The following CTNNA3 variants were observed in gnomAD, a reference collection of about 807,000 sequenced individuals.
CTNNA3 encodes the protein catenin alpha-3.
Under a neutral mutation model 95.7 loss-of-function variants are expected in CTNNA3, and 76 were observed. The observed-to-expected ratio is 0.79, with a 90% CI of 0.66 to 0.96. The LOEUF (loss-of-function observed/expected upper bound fraction) is 0.96, where lower values mean the gene tolerates loss of function less well. CTNNA3 is among the 40% of genes least tolerant of loss of function. The pLI is 0.00. For synonymous variants in CTNNA3, 431 were observed against 374.4 expected (o/e 1.15, Z -1.74); for missense variants, 1,191 against 1,089.8 (o/e 1.09, Z -1.31).
At chr10:66,502,983 A>G (rs557598757) in intron 11 of CTNNA3, among the ~76,000 whole-genome samples, 34 of 152,244 alleles carry the variant, frequency 2.2e-4, no homozygotes, top group Admixed American at 5.9e-4. Flanking sequence ...CATGCACCCT[A>G]GCTCTTAAGA....
chr10:67,064,340 C>T (rs1250002668), intron 7 of CTNNA3, among the ~76,000 whole-genome samples: 5 of 152,078 alleles, frequency 3.3e-5, no homozygotes, highest in African/African-American at 1.2e-4. Flanking sequence ...TGATCCATCC[C>T]TTGAAGCTCC....
At chr10:66,382,543 C>T (rs957730709) in intron 11 of CTNNA3, among the ~76,000 whole-genome samples, 5 of 152,126 alleles carry the variant, frequency 3.3e-5, no homozygotes, top group Non-Finnish European at 5.9e-5. Context: ...CAGGCATAAA[C>T]GACTCTGTCA....
At chr10:66,684,822 T>A (rs1396876742) in intron 9 of CTNNA3, among the ~76,000 whole-genome samples, 1 of 152,106 alleles carries the variant, frequency 6.6e-6, no homozygotes, top group Non-Finnish European at 1.5e-5. Context: ...AATAGAATGT[T>A]GGCACCGGAG....
At chr10:67,307,314 C>T (rs897740252) in intron 5 of CTNNA3, among the ~76,000 whole-genome samples, 1 of 152,194 alleles carries the variant, frequency 6.6e-6, no homozygotes, top group Non-Finnish European at 1.5e-5. Flanking sequence ...TAGCAGAAAG[C>T]AGTATCTAAT....
At chr10:66,814,937 C>T (rs917247120) in intron 7 of CTNNA3, among the ~76,000 whole-genome samples, 8 of 150,392 alleles carry the variant, frequency 5.3e-5, no homozygotes, top group Non-Finnish European at 1.0e-4. Context: ...CTGCAACCTC[C>T]ACCTCCTGGG....
At chr10:66,147,992 T>A (rs992132347) in intron 13 of CTNNA3, among the ~76,000 whole-genome samples, 1 of 151,630 alleles carries the variant, frequency 6.6e-6, no homozygotes, top group African/African-American at 2.4e-5. Flanking sequence ...CCATTTTTGT[T>A]CTTCTGAAGG....
intron 11 of CTNNA3, among the ~76,000 whole-genome samples, chr10:66,418,544 A>G (rs72808705): frequency 0.077 from 9,833 of 128,396 alleles, 365 homozygotes; most frequent in East Asian, 0.13. Context: ...TCTGATACCA[A>G]AAGCACACAG....
At chr10:66,609,093 T>A (rs1393357134) in intron 10 of CTNNA3, among the ~76,000 whole-genome samples, 1 of 151,822 alleles carries the variant, frequency 6.6e-6, no homozygotes, top group African/African-American at 2.4e-5. Flanking sequence ...AGAGTCTCAC[T>A]GTGTCGCCCA....
At chr10:66,679,513 A>G (rs1374382259) in intron 9 of CTNNA3, among the ~76,000 whole-genome samples, 1 of 152,214 alleles carries the variant, frequency 6.6e-6, no homozygotes, top group Non-Finnish European at 1.5e-5. Context: ...ACTAGAGAAA[A>G]TAAGTTGATC....
intron 17 of CTNNA3, among the ~76,000 whole-genome samples, chr10:65,939,404 T>TC (rs2077394144): frequency 6.6e-6 from 1 of 152,200 alleles, no homozygotes; most frequent in Admixed American, 6.5e-5. Flanking sequence ...CTCTAGGTCC[T>TC]CCACAGACCC....
intron 5 of CTNNA3, among the ~76,000 whole-genome samples, chr10:67,292,584 T>C (rs1428324782): frequency 2.0e-5 from 3 of 152,160 alleles, no homozygotes; most frequent in Non-Finnish European, 4.4e-5. Context: ...TTTATATCTA[T>C]AAACTCCTAC....
intron 12 of CTNNA3, among the ~76,000 whole-genome samples, chr10:66,335,533 T>G (rs1052339139): frequency 1.8e-4 from 28 of 152,106 alleles, no homozygotes; most frequent in African/African-American, 6.8e-4. Context: ...CAGCAGAAGC[T>G]GCAGAACAGT....
At chr10:66,522,805 G>A (rs1423694429) in intron 10 of CTNNA3, among the ~76,000 whole-genome samples, 1 of 151,236 alleles carries the variant, frequency 6.6e-6, no homozygotes, top group Non-Finnish European at 1.5e-5. Context: ...TTATTTTTGT[G>A]CAAAAATGTT....
chr10:67,065,887 T>C (rs530181176), intron 7 of CTNNA3, among the ~76,000 whole-genome samples: 3 of 151,474 alleles, frequency 2.0e-5, no homozygotes, highest in East Asian at 3.9e-4. Context: ...AAGAGGGATA[T>C]AGACAAGTTA....
intron 10 of CTNNA3, among the ~76,000 whole-genome samples, chr10:66,617,693 G>A (rs1844573814): frequency 6.6e-6 from 1 of 152,080 alleles, no homozygotes; most frequent in Non-Finnish European, 1.5e-5. Context: ...TCAACATAGT[G>A]TTGGAAGTTC....
intron 15 of CTNNA3, among the ~76,000 whole-genome samples, chr10:66,003,947 T>C (rs1393671262): frequency 6.6e-6 from 1 of 152,216 alleles, no homozygotes; most frequent in Admixed American, 6.5e-5. Flanking sequence ...CATCATATGC[T>C]GCTTCGCATG....
chr10:67,037,509 G>GT (rs1223486490), intron 7 of CTNNA3, among the ~76,000 whole-genome samples: 2 of 152,054 alleles, frequency 1.3e-5, no homozygotes, highest in Non-Finnish European at 2.9e-5. Context: ...AGATGTTTAG[G>GT]TAGAGGAGTG....
At chr10:65,929,360 C>T (rs1322005849) in intron 17 of CTNNA3, among the ~76,000 whole-genome samples, 1 of 152,098 alleles carries the variant, frequency 6.6e-6, no homozygotes, top group African/African-American at 2.4e-5. Context: ...AGTCGACAAC[C>T]TGTGTTTGAG....
At chr10:66,085,340 G>T (rs1160375385) in intron 14 of CTNNA3, among the ~76,000 whole-genome samples, 1 of 152,014 alleles carries the variant, frequency 6.6e-6, no homozygotes, top group Non-Finnish European at 1.5e-5. Context: ...AAGGCACTGA[G>T]GTAGAAAGAG....
Sources: gnomAD v4.1 joint callset for allele counts (sites outside exome capture counted in the v4.1 genomes callset) on GRCh38, gnomAD v4.1.1 for gene constraint, MANE v1.5 for transcripts, NCBI Gene and HGNC (gene_info 2026-07-23, HGNC 2026-07-21) for gene names.